The following MCMDC2 variants were observed in gnomAD, a reference collection of about 807,000 sequenced individuals.
MCMDC2 encodes minichromosome maintenance domain-containing protein 2.
MCMDC2 carries 54 observed loss-of-function variants against 75.8 expected under a neutral mutation model. That is an observed-to-expected ratio of 0.71 (90% CI 0.57 to 0.89). MCMDC2 has a LOEUF of 0.89. MCMDC2 is among the 40% of genes least tolerant of loss of function. MCMDC2 has a pLI of 0.00. For synonymous variants in MCMDC2, 249 were observed against 274.6 expected, an observed-to-expected ratio of 0.91 and a Z score of 0.92; for missense variants, 656 against 780.4, an observed-to-expected ratio of 0.84 and a Z score of 1.90.
At chr8:66,907,892 C>T (rs1473176644) in intron 14 of MCMDC2, among the ~76,000 whole-genome samples, 1 of 151,964 alleles carries the variant, frequency 6.6e-6, no homozygotes, top group Non-Finnish European at 1.5e-5. Flanking sequence ...AGGGTCTGTT[C>T]ATATCTTTTG....
chr8:66,884,021 A>G lies in MCMDC2; in HGVS notation c.1073+27A>G, dbSNP rs770970094. 9 of 1,439,686 alleles carry G rather than the reference A, an allele frequency of 6.3e-6. No homozygotes were observed. In the South Asian group the frequency reaches 1.0e-4, roughly 17 times the overall value. 89.2% of individuals were successfully genotyped at this position (1,439,686 alleles called of 1,614,324 possible). On this transcript the variant is annotated intron_variant, in intron 9 of 14. Transcript: ENST00000422365. ...TATATATGTGACATGAATTTTTACA[A>G]ATATTAATTGGTCACAGATTTGCAT...
chr8:66,884,744 T>C (rs1811753850), intron 9 of MCMDC2: 1 of 152,080 alleles, frequency 6.6e-6, no homozygotes, highest in Non-Finnish European at 1.5e-5. Context: ...CCTCACAGCC[T>C]CACCAGCTCT....
chr8:66,923,704 CT>C (rs1162456646), downstream of MCMDC2, among the ~76,000 whole-genome samples: 5 of 151,992 alleles, frequency 3.3e-5, no homozygotes, highest in African/African-American at 1.2e-4. Flanking sequence ...CTAGACCAGC[CT>C]GGCCAAACCC....
intron 9 of MCMDC2, among the ~76,000 whole-genome samples, chr8:66,884,884 C>A (rs1263510203): frequency 6.6e-6 from 1 of 152,098 alleles, no homozygotes; most frequent in Non-Finnish European, 1.5e-5. Flanking sequence ...TCAAGTGATC[C>A]TCCAGCCTCA....
At chr8:66,922,684 T>C (rs1041653923), downstream of MCMDC2, 3 of 337,900 alleles carry the variant, frequency 8.9e-6, no homozygotes, top group African/African-American at 6.4e-5. Flanking sequence ...ACATCTGTTA[T>C]GATGACTTTC....
chr8:66,913,530 G>A (rs1056959370), intron 14 of MCMDC2, among the ~76,000 whole-genome samples: 4 of 152,050 alleles, frequency 2.6e-5, no homozygotes, highest in South Asian at 2.1e-4. Context: ...CTAAATATTC[G>A]TGATCTTTTT....
chr8:66,906,361 C>G (rs1408296381), intron 14 of MCMDC2, among the ~76,000 whole-genome samples: 1 of 152,088 alleles, frequency 6.6e-6, no homozygotes, highest in East Asian at 1.9e-4. Context: ...TATTGTAATA[C>G]CTGTTTGCAG....
At chr8:66,899,505 T>A (rs1020668742) in intron 12 of MCMDC2, among the ~76,000 whole-genome samples, 2 of 152,026 alleles carry the variant, frequency 1.3e-5, no homozygotes, top group African/African-American at 4.8e-5. Context: ...TCTCTATGCT[T>A]TTCTTTTCTT....
intron 9 of MCMDC2, 183 bp downstream of exon 9, chr8:66,884,177 A>C: frequency 1.7e-6 from 1 of 580,178 alleles, no homozygotes; most frequent in Non-Finnish European, 3.0e-6. Flanking sequence ...GATAAGTTGA[A>C]TTACTCCAAT....
At chr8:66,907,443 T>C (rs1812950247) in intron 14 of MCMDC2, among the ~76,000 whole-genome samples, 1 of 152,222 alleles carries the variant, frequency 6.6e-6, no homozygotes, top group Admixed American at 6.5e-5. Context: ...ATGGTGTATA[T>C]GTGCCACATT....
chr8:66,902,044 C>T (rs1314500995), intron 13 of MCMDC2, among the ~76,000 whole-genome samples: 1 of 151,606 alleles, frequency 6.6e-6, no homozygotes, highest in Non-Finnish European at 1.5e-5. Context: ...AGACCAGCCT[C>T]AGGGCTGGGT....
chr8:66,910,398 G>C (rs1813057706), intron 14 of MCMDC2, among the ~76,000 whole-genome samples: 1 of 152,228 alleles, frequency 6.6e-6, no homozygotes, highest in South Asian at 2.1e-4. Context: ...AGTGGGGAGA[G>C]GGGCTGTGCC....
chr8:66,877,447 T>C lies in MCMDC2; in HGVS notation c.384T>C (p.Tyr128=). Residue 128 remains tyrosine, a synonymous_variant, in exon 5 of 15, where the codon TAT becomes TAC. Transcript: ENST00000422365. Reference sequence around the variant, plus strand: ...TTGATTATACATCTCAGAGATTTTATATGATGCAAGGAATTGTGATTGCAA... The same window carrying C: ...TTGATTATACATCTCAGAGATTTTACATGATGCAAGGAATTGTGATTGCAA... The part of the protein sequence containing the change: ...FPLDYTSQRF[Y]MMQGIVIAMT... 1 of 1,613,216 alleles carries C rather than the reference T, an allele frequency of 6.2e-7. No individual in the cohort carries two copies. Among genetic ancestry groups the C allele is most frequent in the South Asian group, 1.1e-5 (1 of 90,864 alleles).
chr8:66,902,711 A>AATATATATATATATATAT (rs1231949044), intron 13 of MCMDC2, among the ~76,000 whole-genome samples: 1 of 67,930 alleles, frequency 1.5e-5, no homozygotes, highest in African/African-American at 7.3e-5. Context: ...AAAAAAAAAA[A>AATATATATATATATATAT]ATATATATAT....
intron 1 of MCMDC2, among the ~76,000 whole-genome samples, 187 bp from the exon 2 acceptor site, chr8:66,873,866 A>C (rs905365093): frequency 6.6e-6 from 1 of 152,042 alleles, no homozygotes; most frequent in East Asian, 1.9e-4. Flanking sequence ...CAGCCTGGGC[A>C]ACAGAGCGAG....
intron 14 of MCMDC2, among the ~76,000 whole-genome samples, chr8:66,910,869 C>CA (rs1227854122): frequency 2.0e-5 from 3 of 152,074 alleles, no homozygotes; most frequent in Non-Finnish European, 4.4e-5. Flanking sequence ...CTTGCAGCCC[C>CA]TTCATTTTGG....
At chr8:66,871,114 G>A (rs956538673) in intron 1 of MCMDC2, among the ~76,000 whole-genome samples, 6 of 152,100 alleles carry the variant, frequency 3.9e-5, no homozygotes, top group African/African-American at 1.4e-4. Flanking sequence ...TTTTCCACAG[G>A]CTTCTATGTC....
intron 8 of MCMDC2, among the ~76,000 whole-genome samples, chr8:66,883,503 G>A (rs1044559910): frequency 6.6e-6 from 1 of 151,956 alleles, no homozygotes; most frequent in African/African-American, 2.4e-5. Flanking sequence ...ATCATTCTAA[G>A]AATTTAAAGG....
At chr8:66,905,197 T>C (rs765327852) in intron 13 of MCMDC2, 29 bp from the exon 14 acceptor site, 16 of 1,378,364 alleles carry the variant, frequency 1.2e-5, no homozygotes, top group Non-Finnish European at 1.4e-5. Context: ...TATCAACATA[T>C]TTTCTTTGGC....
Sources: allele counts gnomAD v4.1 joint callset (sites outside exome capture counted in the v4.1 genomes callset), GRCh38; gene constraint gnomAD v4.1.1; transcripts MANE v1.5; gene names NCBI Gene and HGNC (gene_info 2026-07-23, HGNC 2026-07-21).